The following NELL1 variants were observed in gnomAD, a reference collection of about 807,000 sequenced individuals.
NELL1 encodes neural EGFL like 1, also known as protein kinase C-binding protein NELL1.
Under a neutral mutation model 107.4 loss-of-function variants are expected in NELL1, and 76 were observed. The observed-to-expected ratio is 0.71, with a 90% CI of 0.59 to 0.86. NELL1 has a LOEUF of 0.86. NELL1 is among the 40% of genes least tolerant of loss of function. NELL1 has a pLI of 0.00. For synonymous variants in NELL1, 353 were observed against 341.2 expected (o/e 1.03, Z -0.38); for missense variants, 1,024 against 1,005.5 (o/e 1.02, Z -0.25).
intron 2 of NELL1, among the ~76,000 whole-genome samples, chr11:20,748,911 CCCATCCATCCAT>C (rs71063663): frequency 5.8e-4 from 84 of 144,022 alleles, no homozygotes; most frequent in African/African-American, 1.6e-3. Context: ...CACCCAGCCA[CCCATCCATCCAT>C]CCATCCATCC....
chr11:21,348,452 A>G (rs1282589030), intron 14 of NELL1, among the ~76,000 whole-genome samples: 2 of 152,142 alleles, frequency 1.3e-5, no homozygotes, highest in African/African-American at 2.4e-5. Flanking sequence ...GTACATGTAA[A>G]CCAATAATTT....
At chr11:20,958,184 G>A (rs1325649049) in intron 11 of NELL1, among the ~76,000 whole-genome samples, 6 of 152,244 alleles carry the variant, frequency 3.9e-5, no homozygotes, top group East Asian at 1.9e-4. Context: ...TTGGGAGGCC[G>A]AGGTGGGGAA....
intron 3 of NELL1, among the ~76,000 whole-genome samples, chr11:20,807,202 A>T (rs1465428768): frequency 6.6e-6 from 1 of 152,038 alleles, no homozygotes; most frequent in Non-Finnish European, 1.5e-5. Context: ...CTTTCCAGGT[A>T]TTTGAAGGGA....
chr11:21,108,420 A>G (rs938592), intron 12 of NELL1, among the ~76,000 whole-genome samples: 51,697 of 151,890 alleles, frequency 0.34, 9,239 homozygotes, highest in South Asian at 0.45. Flanking sequence ...AAAACAAACT[A>G]TTTCACCATC....
chr11:21,157,284 A>C (rs1856264655), intron 13 of NELL1, among the ~76,000 whole-genome samples: 1 of 151,822 alleles, frequency 6.6e-6, no homozygotes, highest in Non-Finnish European at 1.5e-5. Flanking sequence ...TTGCTGACTC[A>C]CTCAATCTGA....
chr11:20,695,814 C>G (rs1854599939), intron 2 of NELL1, among the ~76,000 whole-genome samples: 1 of 152,020 alleles, frequency 6.6e-6, no homozygotes, highest in African/African-American at 2.4e-5. Context: ...GGAGTCCTCC[C>G]TCTTCAATTT....
chr11:21,196,607 A>T (rs1857158977), intron 13 of NELL1, among the ~76,000 whole-genome samples: 1 of 151,948 alleles, frequency 6.6e-6, no homozygotes, highest in Admixed American at 6.6e-5. Flanking sequence ...CTATTTTAGT[A>T]ACCTCATCAC....
At chr11:21,215,641 G>A (rs917835678) in intron 13 of NELL1, among the ~76,000 whole-genome samples, 5 of 152,146 alleles carry the variant, frequency 3.3e-5, no homozygotes, top group Non-Finnish European at 7.4e-5. Flanking sequence ...ATTAGGAACT[G>A]GTTGGCAGCT....
At chr11:20,706,105 T>A (rs535459097) in intron 2 of NELL1, among the ~76,000 whole-genome samples, 91 of 152,184 alleles carry the variant, frequency 6.0e-4, no homozygotes, top group Non-Finnish European at 1.2e-3. Flanking sequence ...GAAGACAGTG[T>A]GGCGATTCCT....
chr11:21,207,287 T>C (rs1857410027), intron 13 of NELL1, among the ~76,000 whole-genome samples: 1 of 152,162 alleles, frequency 6.6e-6, no homozygotes, highest in Non-Finnish European at 1.5e-5. Flanking sequence ...TGCTCACATT[T>C]TCAGGTGACA....
At chr11:21,327,660 T>A (rs1377829546) in intron 14 of NELL1, among the ~76,000 whole-genome samples, 3 of 152,164 alleles carry the variant, frequency 2.0e-5, no homozygotes, top group African/African-American at 7.2e-5. Flanking sequence ...AGGAAGGGGT[T>A]GGAAAAGTTT....
intron 12 of NELL1, among the ~76,000 whole-genome samples, chr11:21,093,144 C>G (rs1040476804): frequency 2.0e-5 from 3 of 151,944 alleles, no homozygotes; most frequent in African/African-American, 4.8e-5. Context: ...ATCAACAGGC[C>G]AATGTGAAAT....
intron 12 of NELL1, among the ~76,000 whole-genome samples, chr11:21,063,238 C>T (rs1021910023): frequency 2.0e-5 from 3 of 152,120 alleles, no homozygotes; most frequent in African/African-American, 7.2e-5. Context: ...TAGCACAGAG[C>T]TTCCATGGCT....
intron 14 of NELL1, among the ~76,000 whole-genome samples, chr11:21,237,487 C>T (rs1858239539): frequency 1.3e-5 from 2 of 151,942 alleles, no homozygotes; most frequent in African/African-American, 2.4e-5. Context: ...TTTTATAATT[C>T]GATCTTTTTT....
intron 14 of NELL1, among the ~76,000 whole-genome samples, chr11:21,286,614 A>G (rs1229009754): frequency 2.6e-5 from 4 of 152,220 alleles, no homozygotes; most frequent in Non-Finnish European, 5.9e-5. Context: ...GTTGGCTTCT[A>G]TTTAGCAATG....
chr11:20,669,707 G>T lies in NELL1; in HGVS notation c.-17G>T. On this transcript the variant is annotated 5_prime_UTR_variant, in exon 1 of 20. Coordinates refer to ENST00000357134, the MANE Select transcript of NELL1 (RefSeq NM_006157.5). This position sits in a 1 kb window ranked among gnomAD's most constrained non-coding sequence, Gnocchi z 4.4. ...CTAGCTTCGGTGCCCCCTGCTAGGC[G>T]GGGACCCTCGAGAGCGATGCCGATG... 2 of 1,612,178 alleles carry T rather than the reference G, an allele frequency of 1.2e-6. No individual in the cohort carries two copies. The highest frequency in any genetic ancestry group is 1.7e-6 in the Non-Finnish European group (2 of 1,178,564).
chr11:20,744,470 C>G (rs746929001), intron 2 of NELL1, among the ~76,000 whole-genome samples: 4 of 152,202 alleles, frequency 2.6e-5, no homozygotes, highest in African/African-American at 7.2e-5. Context: ...TTTATTCTCT[C>G]TTTTATAGGA....
At chr11:20,932,043 A>G (rs77404314) in intron 9 of NELL1, among the ~76,000 whole-genome samples, 1,710 of 152,284 alleles carry the variant, frequency 0.011, 36 homozygotes, top group African/African-American at 0.039. Flanking sequence ...GTTTGGAAAT[A>G]GGGAAGAAAT....
intron 15 of NELL1, among the ~76,000 whole-genome samples, chr11:21,529,869 A>G (rs1855952216): frequency 6.6e-6 from 1 of 152,186 alleles, no homozygotes; most frequent in Non-Finnish European, 1.5e-5. Flanking sequence ...ATCATTCTCA[A>G]CCTACAGATT....
Sources: allele counts gnomAD v4.1 joint callset (sites outside exome capture counted in the v4.1 genomes callset), GRCh38; gene constraint gnomAD v4.1.1; non-coding constraint Gnocchi (gnomAD v3.1); transcripts MANE v1.5; gene names NCBI Gene and HGNC (gene_info 2026-07-23, HGNC 2026-07-21).